The following RBFOX1 variants were observed in gnomAD, a reference collection of about 807,000 sequenced individuals.
RBFOX1 encodes RNA binding fox-1 homolog 1, also known as RNA binding protein fox-1 homolog 1.
RBFOX1 carries 8 observed loss-of-function variants against 57.7 expected under a neutral mutation model. The ratio of observed to expected loss-of-function variants is 0.14; its 90% CI spans 0.08 to 0.25. RBFOX1 has a LOEUF of 0.25. RBFOX1 is among the 10% of genes least tolerant of loss of function. RBFOX1 has a pLI of 1.00. For synonymous variants in RBFOX1, 326 were observed against 222.4 expected (o/e 1.47, Z -4.15); for missense variants, 611 against 548.5 (o/e 1.11, Z -1.14).
At chr16:7,481,157 C>T (rs1160399068) in intron 4 of RBFOX1, among the ~76,000 whole-genome samples, 3 of 152,058 alleles carry the variant, frequency 2.0e-5, no homozygotes, top group African/African-American at 7.2e-5. Flanking sequence ...CTACATACTC[C>T]GCAAGGCTGT....
At chr16:7,047,836 G>C (rs1263882820) in intron 3 of RBFOX1, among the ~76,000 whole-genome samples, 3 of 141,628 alleles carry the variant, frequency 2.1e-5, no homozygotes, top group African/African-American at 7.7e-5. Context: ...TCTTCATTCT[G>C]TGTTTGGACA....
intron 4 of RBFOX1, among the ~76,000 whole-genome samples, chr16:7,186,985 C>T (rs12447253): frequency 0.22 from 28,946 of 132,798 alleles, 3,708 homozygotes; most frequent in East Asian, 0.39. Context: ...TGAGGAAACC[C>T]CACCTCCACA....
chr16:5,994,279 A>T (rs942802741), intron 4 of RBFOX1, among the ~76,000 whole-genome samples: 5 of 152,224 alleles, frequency 3.3e-5, no homozygotes, highest in Non-Finnish European at 7.3e-5. Context: ...CTCATGCTTC[A>T]GCCTCCTTAG....
At chr16:6,852,157 A>T (rs2094107164) in intron 3 of RBFOX1, among the ~76,000 whole-genome samples, 1 of 152,060 alleles carries the variant, frequency 6.6e-6, no homozygotes, top group Non-Finnish European at 1.5e-5. Context: ...TGATGTCTGA[A>T]ATCAGTGTCA....
intron 2 of RBFOX1, among the ~76,000 whole-genome samples, chr16:5,534,321 A>G (rs1336096826): frequency 6.6e-6 from 1 of 152,194 alleles, no homozygotes; most frequent in Non-Finnish European, 1.5e-5. Context: ...ATTAAGGAGA[A>G]TTGACTCATA....
intron 4 of RBFOX1, among the ~76,000 whole-genome samples, chr16:7,487,490 T>C (rs2065732568): frequency 6.6e-6 from 1 of 152,196 alleles, no homozygotes; most frequent in Non-Finnish European, 1.5e-5. Flanking sequence ...AGGGGAGCAC[T>C]AAATATTAGT....
chr16:5,454,517 A>G (rs1484628709), intron 1 of RBFOX1, among the ~76,000 whole-genome samples: 10 of 152,220 alleles, frequency 6.6e-5, no homozygotes, highest in Non-Finnish European at 1.3e-4. Context: ...ATTGCCCTCT[A>G]CAATGTGGGT....
chr16:6,254,781 T>C (rs574594689), intron 1 of RBFOX1, among the ~76,000 whole-genome samples: 1 of 152,248 alleles, frequency 6.6e-6, no homozygotes, highest in African/African-American at 2.4e-5. Flanking sequence ...TTCTGAAAAA[T>C]ATACATGTGA....
chr16:7,241,594 A>C (rs1362253572), intron 4 of RBFOX1, among the ~76,000 whole-genome samples: 1 of 151,894 alleles, frequency 6.6e-6, no homozygotes, highest in Non-Finnish European at 1.5e-5. Context: ...GGGTTACTTA[A>C]AATGTTTTAT....
At chr16:5,964,374 A>T (rs924281650) in intron 4 of RBFOX1, among the ~76,000 whole-genome samples, 1 of 152,190 alleles carries the variant, frequency 6.6e-6, no homozygotes, top group Non-Finnish European at 1.5e-5. Flanking sequence ...CTACCATATG[A>T]CCCAACAATC....
chr16:6,895,299 A>AT (rs995634023), intron 3 of RBFOX1, among the ~76,000 whole-genome samples: 7 of 151,488 alleles, frequency 4.6e-5, no homozygotes, highest in African/African-American at 1.7e-4. Context: ...AGCTCTAAAA[A>AT]ATATATAAAA....
intron 1 of RBFOX1, among the ~76,000 whole-genome samples, chr16:5,243,943 C>T (rs1418319771): frequency 6.6e-6 from 1 of 152,002 alleles, no homozygotes; most frequent in East Asian, 1.9e-4. Context: ...GTTGCCCAGG[C>T]TGGAGTGCAG....
intron 2 of RBFOX1, among the ~76,000 whole-genome samples, chr16:6,575,341 T>C (rs1159532993): frequency 6.6e-6 from 1 of 152,188 alleles, no homozygotes; most frequent in Non-Finnish European, 1.5e-5. Context: ...AAATGGATAC[T>C]AAGTCCTCTC....
intron 4 of RBFOX1, among the ~76,000 whole-genome samples, chr16:7,392,339 G>A (rs557698811): frequency 1.3e-5 from 2 of 152,212 alleles, no homozygotes; most frequent in South Asian, 2.1e-4. Flanking sequence ...ATGAATATAT[G>A]TTTGCATTTG....
At chr16:7,181,538 CTCTCTCTTTCTCTCA>C (rs1182574630) in intron 4 of RBFOX1, among the ~76,000 whole-genome samples, 2 of 140,884 alleles carry the variant, frequency 1.4e-5, no homozygotes, top group African/African-American at 3.0e-5. Flanking sequence ...CCCTTGCTCT[CTCTCTCTTTCTCTCA>C]TCTCTCTTTC....
rs567383492 is a variant in RBFOX1 at position 7,084,804 on chromosome 16, CCT to C, written c.27+32712_27+32713del. 9.5e-4 allele frequency among the ~76,000 whole-genome samples: 145 copies of C among 152,312 alleles called. 1 individual carries two copies. Among genetic ancestry groups the C allele is most frequent in the Admixed American group, 4.2e-3 (65 of 15,306 alleles). ...CAACCATGATGTGTTCATATTCCCC[CCT>C]CTCTCATGTCTGTCTGTATCTGGCA... On this transcript the variant is annotated intron_variant, in intron 4 of 15. Coordinates refer to ENST00000550418, the MANE Select transcript of RBFOX1 (RefSeq NM_018723.4).
At chr16:5,276,157 G>A (rs2333757) in intron 1 of RBFOX1, among the ~76,000 whole-genome samples, 52,736 of 151,976 alleles carry the variant, frequency 0.35, 9,314 homozygotes, top group African/African-American at 0.41. Flanking sequence ...CCAAAAGCAA[G>A]TGCAATGAAA....
chr16:5,593,554 A>C (rs1596371685), intron 2 of RBFOX1, among the ~76,000 whole-genome samples: 1 of 152,192 alleles, frequency 6.6e-6, no homozygotes, highest in East Asian at 1.9e-4. Context: ...AAACCCACCA[A>C]AACCAAGATG....
intron 4 of RBFOX1, among the ~76,000 whole-genome samples, chr16:7,054,545 T>TGGTGG (rs1555823213): frequency 9.2e-6 from 1 of 108,470 alleles, no homozygotes. Context: ...CAAACCTGGG[T>TGGTGG]GGGGGGGCAT....
Sources: allele counts gnomAD v4.1 joint callset (sites outside exome capture counted in the v4.1 genomes callset), GRCh38; gene constraint gnomAD v4.1.1; transcripts MANE v1.5; gene names NCBI Gene and HGNC (gene_info 2026-07-23, HGNC 2026-07-21).